Variants in NIBAN2 observed in about 807,000 individuals in gnomAD.
NIBAN2 encodes the protein protein Niban 2.
NIBAN2 carries 36 observed loss-of-function variants against 81.8 expected under a neutral mutation model. The ratio of observed to expected loss-of-function variants is 0.44; its 90% CI spans 0.34 to 0.58. The LOEUF is 0.58. Among genes scored for constraint, NIBAN2 ranks in the 20% least tolerant of loss-of-function variants. NIBAN2 has a pLI of 0.02. For missense variants in NIBAN2, 897 were observed against 1,014.1 expected (o/e 0.88, Z 1.57); for synonymous variants, 445 against 441.6 (o/e 1.01, Z -0.10).
chr9:127,542,889 A>AT (rs1403229073), intron 1 of NIBAN2, among the ~76,000 whole-genome samples: 2 of 152,012 alleles, frequency 1.3e-5, no homozygotes, highest in African/African-American at 4.8e-5. Context: ...CACCTGGCTA[A>AT]TTTTTTGTAT....
chr9:127,520,874 CCT>C (rs1836928015), intron 5 of NIBAN2, among the ~76,000 whole-genome samples: 1 of 151,930 alleles, frequency 6.6e-6, no homozygotes, highest in South Asian at 2.1e-4. Context: ...ACAGAGCAAG[CCT>C]CTGTCTCAAA....
intron 5 of NIBAN2, among the ~76,000 whole-genome samples, chr9:127,523,131 C>T (rs940051215): frequency 7.9e-6 from 1 of 126,324 alleles, no homozygotes; most frequent in East Asian, 2.5e-4. Context: ...CTGAGGGAGG[C>T]AGTGAAGTTT....
chr9:127,525,800 G>T (rs569400518), intron 3 of NIBAN2, among the ~76,000 whole-genome samples: 1 of 152,332 alleles, frequency 6.6e-6, no homozygotes, highest in East Asian at 1.9e-4. Flanking sequence ...TGTAGGACAT[G>T]AACCAGGGCT....
At chr9:127,524,774 A>T in intron 4 of NIBAN2, 1 of 321,796 alleles carries the variant, frequency 3.1e-6, no homozygotes, top group Non-Finnish European at 5.8e-6. Context: ...AGGGAATTTC[A>T]GCCAAGGTGA....
chr9:127,573,116 T>C (rs776967146), upstream of NIBAN2, among the ~76,000 whole-genome samples: 5 of 152,266 alleles, frequency 3.3e-5, no homozygotes, highest in South Asian at 2.1e-4. Flanking sequence ...GTTCAAACAC[T>C]GGAACAGGTA....
intron 5 of NIBAN2, among the ~76,000 whole-genome samples, chr9:127,521,487 G>A (rs957985610): frequency 6.6e-6 from 1 of 152,170 alleles, no homozygotes; most frequent in Admixed American, 6.5e-5. Flanking sequence ...GCTGCTCCAG[G>A]AATGCAGGAT....
chr9:127,578,424 G>C (rs527419252), intron 1 of NIBAN2, among the ~76,000 whole-genome samples: 1 of 149,626 alleles, frequency 6.7e-6, no homozygotes, highest in East Asian at 2.0e-4. Context: ...CACTTTAGGA[G>C]ACCGAGGCAG....
chr9:127,572,350 T>C (rs974127010), upstream of NIBAN2, among the ~76,000 whole-genome samples: 2 of 152,170 alleles, frequency 1.3e-5, no homozygotes, highest in African/African-American at 2.4e-5. Flanking sequence ...CTACTATGTG[T>C]TGGATGCTAT....
chr9:127,566,448 C>G (rs1164360551), intron 1 of NIBAN2, among the ~76,000 whole-genome samples: 1 of 152,154 alleles, frequency 6.6e-6, no homozygotes, highest in East Asian at 1.9e-4. Flanking sequence ...GGTGTGGAAA[C>G]AAGCCTCTGC....
intron 3 of NIBAN2, among the ~76,000 whole-genome samples, 153 bp downstream of exon 3, chr9:127,527,040 TG>T (rs1423146617): frequency 6.6e-5 from 10 of 151,568 alleles, no homozygotes; most frequent in Admixed American, 6.6e-4. Context: ...CAGCCCAGTT[TG>T]GGGGAGGGGA....
intron 1 of NIBAN2, among the ~76,000 whole-genome samples, chr9:127,577,511 G>C: frequency 6.9e-6 from 1 of 144,458 alleles, no homozygotes; most frequent in East Asian, 2.0e-4. Flanking sequence ...CCATCCTCCA[G>C]ATCCAATACC....
At chr9:127,514,208 G>T (rs1172063547) in intron 8 of NIBAN2, among the ~76,000 whole-genome samples, 4 of 151,294 alleles carry the variant, frequency 2.6e-5, no homozygotes, top group Non-Finnish European at 5.9e-5. Context: ...GGCAGGGGTT[G>T]CGGTGAGCTG....
At position 127,508,860 on chromosome 9, in the gene NIBAN2, G is replaced by T; in HGVS notation, c.1317+116C>A. ...TTCCAAGCAGAGGAGGAGAGAGCGT[G>T]CCAGGCAAGCGTGGCTATGGCATGA... On this transcript the variant is annotated intron_variant, in intron 10 of 13. Transcript: ENST00000373312. The surrounding 1 kb of genome is among the most constrained non-coding windows in gnomAD (Gnocchi z 6.4). 2 of 1,183,704 alleles carry T rather than the reference G, an allele frequency of 1.7e-6. No homozygotes were observed. Among genetic ancestry groups the T allele is most frequent in the Non-Finnish European group, 2.5e-6 (2 of 809,578 alleles). 73.3% of individuals were successfully genotyped at this position (1,183,704 alleles called of 1,614,324 possible).
chr9:127,556,107 G>C (rs903698728), intron 1 of NIBAN2, among the ~76,000 whole-genome samples: 3 of 152,156 alleles, frequency 2.0e-5, no homozygotes, highest in Non-Finnish European at 4.4e-5. Context: ...AACCCAGAGA[G>C]AGAGCCGCCC....
rs113635787 is a variant in NIBAN2, at chr9:127,525,061, G to A, written c.418C>T (p.Pro140Ser). The A allele has an allele frequency of 6.2e-7, 1 of 1,610,342 alleles. No homozygotes were observed. ...CCTGGGATGGGTGCTCCTTTACCTG[G>A]TAAGGAGTTGCCAATGAGCTCCAGG... ...QYLELIGNSL[P>S]GTTAKSGSAP... The change falls in exon 4 of 14, where the codon CCA (proline) becomes TCA (serine). Residue 140 changes from proline (P) to serine (S), a missense_variant. Coordinates refer to ENST00000373312, the MANE Select transcript of NIBAN2 (RefSeq NM_022833.4).
intron 1 of NIBAN2, chr9:127,561,051 C>T: frequency 1.1e-6 from 1 of 895,604 alleles, no homozygotes; most frequent in South Asian, 5.1e-5. Context: ...CATGGGTGGG[C>T]AAGGAGGGAG....
At position 127,563,822 on chromosome 9, in the gene NIBAN2, A is replaced by T. The variant is rs1837814431; in HGVS notation, c.55+4998T>A. Among the ~76,000 whole-genome samples, 1 of 152,158 alleles carries T rather than the reference A, an allele frequency of 6.6e-6. No individual in the cohort carries two copies. Among genetic ancestry groups the T allele is most frequent in the Non-Finnish European group, 1.5e-5 (1 of 68,030 alleles). ...AGTCACCGCGCCCAGCAGAGAGGTA[A>T]GTTTTTAAAATCACTTTGGAAAGAA... On this transcript the variant is annotated intron_variant, in intron 1 of 13. Coordinates refer to ENST00000373312, the MANE Select transcript of NIBAN2 (RefSeq NM_022833.4). This position sits in a 1 kb window ranked among gnomAD's most constrained non-coding sequence, Gnocchi z 4.1.
chr9:127,515,518 CTCAAAAAAAAAAAAAAAAAA>C (rs1430236451), intron 8 of NIBAN2, among the ~76,000 whole-genome samples: 1 of 62,684 alleles, frequency 1.6e-5, no homozygotes, highest in African/African-American at 6.2e-5. Flanking sequence ...GAGACTCCGT[CTCAAAAAAAAAAAAAAAAAA>C]ACAAACAAAA....
intron 5 of NIBAN2, among the ~76,000 whole-genome samples, chr9:127,519,680 G>A (rs1009334065): frequency 6.6e-6 from 1 of 152,240 alleles, no homozygotes; most frequent in African/African-American, 2.4e-5. Flanking sequence ...GGATGGGGAC[G>A]GGGGCCTGTG....
Sources: gnomAD v4.1 joint callset for allele counts (sites outside exome capture counted in the v4.1 genomes callset) on GRCh38, gnomAD v4.1.1 for gene constraint, Gnocchi (gnomAD v3.1) non-coding constraint, MANE v1.5 for transcripts, NCBI Gene and HGNC (gene_info 2026-07-23, HGNC 2026-07-21) for gene names.